Variants in SLC4A10 observed in about 807,000 individuals in gnomAD.
SLC4A10 encodes the protein sodium-driven chloride bicarbonate exchanger.
A neutral mutation model predicts 137.7 loss-of-function variants in SLC4A10; 42 were observed. The observed-to-expected ratio is 0.30, with a 90% CI of 0.24 to 0.39. The LOEUF is 0.39. Among genes scored for constraint, SLC4A10 ranks in the 10% least tolerant of loss-of-function variants. SLC4A10 has a pLI of 1.00. For missense variants in SLC4A10, 925 were observed against 1,355.0 expected (o/e 0.68, Z 4.98); for synonymous variants, 474 against 464.1 (o/e 1.02, Z -0.27).
At chr2:161,919,045 G>A (rs777898719) in intron 15 of SLC4A10, among the ~76,000 whole-genome samples, 33 of 152,122 alleles carry the variant, frequency 2.2e-4, no homozygotes, top group Non-Finnish European at 2.9e-4. Context: ...CCTCCCTCTG[G>A]GTGCCTCCTC....
At chr2:161,721,877 T>C in intron 1 of SLC4A10, among the ~76,000 whole-genome samples, 1 of 152,228 alleles carries the variant, frequency 6.6e-6, no homozygotes, top group South Asian at 2.1e-4. Context: ...GGATGTTTTG[T>C]TTGTTCCTTT....
At chr2:161,861,852 A>G (rs896300173) in intron 5 of SLC4A10, among the ~76,000 whole-genome samples, 2 of 152,178 alleles carry the variant, frequency 1.3e-5, no homozygotes, top group African/African-American at 2.4e-5. Context: ...AGTGGCCCAA[A>G]TCTGTCTCCT....
intron 1 of SLC4A10, among the ~76,000 whole-genome samples, chr2:161,671,445 T>C (rs901606610): frequency 1.3e-5 from 2 of 152,170 alleles, no homozygotes; most frequent in Non-Finnish European, 2.9e-5. Flanking sequence ...GTTGATGTGA[T>C]TAGTTGACGC....
intron 1 of SLC4A10, among the ~76,000 whole-genome samples, chr2:161,638,906 T>C (rs2034867869): frequency 6.6e-6 from 1 of 151,124 alleles, no homozygotes; most frequent in African/African-American, 2.4e-5. Context: ...GCTAGACCAA[T>C]TAAGAAAAAA....
At chr2:161,847,296 C>T (rs2059565070) in intron 4 of SLC4A10, among the ~76,000 whole-genome samples, 1 of 151,660 alleles carries the variant, frequency 6.6e-6, no homozygotes, top group Non-Finnish European at 1.5e-5. Context: ...TACACACACA[C>T]ACACACAGCA....
At chr2:161,943,705 G>T (rs1412219724) in intron 16 of SLC4A10, among the ~76,000 whole-genome samples, 1 of 151,848 alleles carries the variant, frequency 6.6e-6, no homozygotes, top group Admixed American at 6.6e-5. Flanking sequence ...AACATTACAG[G>T]TTCAAACCTT....
intron 25 of SLC4A10, chr2:161,977,290 A>T (rs1362524371): frequency 2.5e-6 from 1 of 401,732 alleles, no homozygotes; most frequent in Admixed American, 2.6e-5. Flanking sequence ...AAATATTTAT[A>T]TTTAGTATAG....
At chr2:161,898,465 C>T (rs372481398) in intron 11 of SLC4A10, among the ~76,000 whole-genome samples, 32 of 152,078 alleles carry the variant, frequency 2.1e-4, no homozygotes, top group African/African-American at 4.1e-4. Flanking sequence ...TTCTATTAGA[C>T]GGAGTGAAAT....
At chr2:161,962,329 A>G (rs764523855) in intron 21 of SLC4A10, among the ~76,000 whole-genome samples, 1 of 152,204 alleles carries the variant, frequency 6.6e-6, no homozygotes, top group Non-Finnish European at 1.5e-5. Context: ...TTAAACAATA[A>G]CAATTGAAGC....
At chr2:161,841,603 A>G (rs949548848) in intron 4 of SLC4A10, among the ~76,000 whole-genome samples, 1 of 152,234 alleles carries the variant, frequency 6.6e-6, no homozygotes, top group East Asian at 1.9e-4. Flanking sequence ...AATGTTGTGA[A>G]TAACAATGGC....
intron 2 of SLC4A10, among the ~76,000 whole-genome samples, chr2:161,773,446 A>C (rs1025408883): frequency 7.2e-5 from 11 of 151,940 alleles, no homozygotes; most frequent in Non-Finnish European, 1.2e-4. Flanking sequence ...GAGCTTCTTT[A>C]TTAAGGCAGC....
At position 161,900,926 on chromosome 2, in the gene SLC4A10, C is replaced by G. The variant is rs1276917826; in HGVS notation, c.1357C>G (p.Pro453Ala). 6.4e-7 allele frequency: 1 copy of G among 1,550,960 alleles called. No individual in the cohort carries two copies. Among genetic ancestry groups the G allele is most frequent in the Non-Finnish European group, 8.7e-7 (1 of 1,148,240 alleles). ...NVPSQEKRKI[P>A]AVPNGTAAHG... ...CTCTCCACAGGAGAAGAGGAAGATT[C>G]CTGCTGTACCAAATGGAACAGCAGC... The change falls in exon 12 of 27, where the codon CCT (proline) becomes GCT (alanine). Residue 453 changes from proline (P) to alanine (A), a missense_variant. Transcript: ENST00000446997.
chr2:161,646,379 A>G (rs1328108159), intron 1 of SLC4A10, among the ~76,000 whole-genome samples: 2 of 152,024 alleles, frequency 1.3e-5, no homozygotes, highest in African/African-American at 4.8e-5. Flanking sequence ...TTTAAACCAA[A>G]TGTAAAGGGA....
chr2:161,873,579 T>A lies in SLC4A10; in HGVS notation c.859-337T>A, dbSNP rs2061278646. ...AAAGACAATGCAAAAGAGAAGGAGT[T>A]TGAATACTTGGTGAAAATACGGCAG... is the stretch of plus-strand genomic sequence containing the variant. On this transcript the variant is annotated intron_variant, in intron 7 of 26. Coordinates refer to ENST00000446997, the MANE Select transcript of SLC4A10 (RefSeq NM_001178015.2). Among the ~76,000 whole-genome samples, 4 of 149,452 alleles carry A rather than the reference T, an allele frequency of 2.7e-5. No homozygotes were observed. In the South Asian group the frequency reaches 8.5e-4, roughly 32 times the overall value.
chr2:161,921,737 A>G (rs1057093703), intron 15 of SLC4A10, among the ~76,000 whole-genome samples: 14 of 152,240 alleles, frequency 9.2e-5, no homozygotes, highest in African/African-American at 3.4e-4. Flanking sequence ...AATCTTCTCA[A>G]TATCACATAT....
chr2:161,779,268 T>C (rs904313854), intron 2 of SLC4A10, among the ~76,000 whole-genome samples: 2 of 151,956 alleles, frequency 1.3e-5, no homozygotes, highest in African/African-American at 4.8e-5. Context: ...AAGCCATTCA[T>C]AAGGGATCTG....
At chr2:161,906,037 TA>T in intron 15 of SLC4A10, 150 bp downstream of exon 15, 1 of 1,025,068 alleles carries the variant, frequency 9.8e-7, no homozygotes, top group Non-Finnish European at 1.4e-6. Flanking sequence ...AACAGGATTT[TA>T]AAAGTTATTT....
intron 1 of SLC4A10, among the ~76,000 whole-genome samples, chr2:161,628,769 T>C (rs2032956140): frequency 6.6e-6 from 1 of 152,038 alleles, no homozygotes; most frequent in South Asian, 2.1e-4. Flanking sequence ...GGAAATAAAA[T>C]ATATGTATAA....
chr2:161,934,390 G>A (rs1375587307), intron 15 of SLC4A10, among the ~76,000 whole-genome samples: 1 of 151,268 alleles, frequency 6.6e-6, no homozygotes, highest in African/African-American at 2.4e-5. Flanking sequence ...TTAATTTTTA[G>A]CTCCCACAAA....
Sources: allele counts gnomAD v4.1 joint callset (sites outside exome capture counted in the v4.1 genomes callset), GRCh38; gene constraint gnomAD v4.1.1; transcripts MANE v1.5; gene names NCBI Gene and HGNC (gene_info 2026-07-23, HGNC 2026-07-21).